The following GALNTL6 variants were observed in gnomAD, a reference collection of about 807,000 sequenced individuals.
The protein encoded by GALNTL6 is polypeptide N-acetylgalactosaminyltransferase-like 6.
In GALNTL6, 46 loss-of-function variants were observed where a neutral mutation model predicts 73.7. The observed-to-expected ratio is 0.62, with a 90% confidence interval of 0.49 to 0.80. The LOEUF (loss-of-function observed/expected upper bound fraction) is 0.80, where lower values mean the gene tolerates loss of function less well. Among genes scored for constraint, GALNTL6 ranks in the 30% least tolerant of loss-of-function variants. The probability of loss-of-function intolerance (pLI) is 0.00; values close to 1 mark genes in which losing one functional copy is unlikely to be tolerated. For synonymous variants in GALNTL6, 259 were observed against 263.7 expected (o/e 0.98, Z 0.17); for missense variants, 604 against 755.0 (o/e 0.80, Z 2.34).
At chr4:171,832,685 G>A (rs1388571436) in intron 2 of GALNTL6, among the ~76,000 whole-genome samples, 3 of 151,590 alleles carry the variant, frequency 2.0e-5, no homozygotes, top group Non-Finnish European at 4.4e-5. Context: ...TTTTATTTGA[G>A]TAAGTACAAA....
intron 2 of GALNTL6, among the ~76,000 whole-genome samples, chr4:172,161,675 A>G (rs1400435479): frequency 2.0e-5 from 3 of 152,038 alleles, no homozygotes; most frequent in Non-Finnish European, 4.4e-5. Context: ...CTAAGAGCAC[A>G]TGTTAACTGG....
chr4:172,398,825 GTTCT>G (rs1561064994), intron 5 of GALNTL6, among the ~76,000 whole-genome samples: 5 of 151,676 alleles, frequency 3.3e-5, no homozygotes, highest in Non-Finnish European at 7.4e-5. Context: ...TTTTTTGGAG[GTTCT>G]TTCAATACTG....
intron 5 of GALNTL6, among the ~76,000 whole-genome samples, chr4:172,393,407 C>T (rs1363539454): frequency 6.6e-6 from 1 of 152,110 alleles, no homozygotes; most frequent in African/African-American, 2.4e-5. Flanking sequence ...AGCATAACTA[C>T]CCTCAGGCCA....
chr4:172,488,619 A>G (rs1733781265), intron 5 of GALNTL6, among the ~76,000 whole-genome samples: 1 of 152,304 alleles, frequency 6.6e-6, no homozygotes, highest in South Asian at 2.1e-4. Context: ...TCATTTTAGT[A>G]CCCACTAAAG....
intron 11 of GALNTL6, among the ~76,000 whole-genome samples, chr4:173,015,007 G>A (rs1752718411): frequency 6.6e-6 from 1 of 152,182 alleles, no homozygotes; most frequent in African/African-American, 2.4e-5. Flanking sequence ...TTTCCTGATA[G>A]TGACTGAGTT....
intron 8 of GALNTL6, among the ~76,000 whole-genome samples, chr4:172,921,684 A>G (rs941483566): frequency 6.6e-6 from 1 of 151,152 alleles, no homozygotes; most frequent in Non-Finnish European, 1.5e-5. Context: ...AATCCCAGCT[A>G]TTTGGGAGCC....
At chr4:172,817,846 T>A (rs1741696368) in intron 7 of GALNTL6, among the ~76,000 whole-genome samples, 1 of 152,212 alleles carries the variant, frequency 6.6e-6, no homozygotes, top group Non-Finnish European at 1.5e-5. Context: ...TTAGACTTAT[T>A]GACAGAAATG....
At chr4:172,639,671 T>A (rs1039842983) in intron 5 of GALNTL6, among the ~76,000 whole-genome samples, 3 of 151,974 alleles carry the variant, frequency 2.0e-5, no homozygotes, top group Non-Finnish European at 4.4e-5. Flanking sequence ...CTTATCCATT[T>A]CCCCTCTCAG....
At position 172,548,948 on chromosome 4, in the gene GALNTL6, CTATT is replaced by C. The variant is rs1477145904; in HGVS notation, c.553+200262_553+200265del. On this transcript the variant is annotated intron_variant, in intron 5 of 12. Coordinates refer to ENST00000506823, the MANE Select transcript of GALNTL6 (RefSeq NM_001034845.3). ...TGTTGTTTCTCTATTATTTCAATCA[CTATT>C]TAAGTAGATACTGAAGTACTAGGTA... Among the ~76,000 whole-genome samples, 56 of 152,130 alleles carry C rather than the reference CTATT, an allele frequency of 3.7e-4. 4 individuals carry two copies. The highest frequency in any genetic ancestry group is 2.9e-3 in the Admixed American group (44 of 15,278).
intron 12 of GALNTL6, among the ~76,000 whole-genome samples, chr4:173,036,867 A>G (rs1753717562): frequency 1.3e-5 from 2 of 152,244 alleles, no homozygotes; most frequent in African/African-American, 4.8e-5. Flanking sequence ...GTTCTGTTAC[A>G]GCCATCAATG....
At chr4:172,206,438 T>C (rs996419377) in intron 2 of GALNTL6, among the ~76,000 whole-genome samples, 1 of 152,162 alleles carries the variant, frequency 6.6e-6, no homozygotes, top group African/African-American at 2.4e-5. Flanking sequence ...TGGCAGTCCT[T>C]GATGAGTGAT....
At chr4:171,900,265 A>G (rs1737045689) in intron 2 of GALNTL6, among the ~76,000 whole-genome samples, 1 of 152,056 alleles carries the variant, frequency 6.6e-6, no homozygotes, top group East Asian at 1.9e-4. Flanking sequence ...AAACTTTCAC[A>G]TATTTGAAAT....
At chr4:172,179,929 A>G (rs903470926) in intron 2 of GALNTL6, among the ~76,000 whole-genome samples, 1 of 152,224 alleles carries the variant, frequency 6.6e-6, no homozygotes. Context: ...TCTTCATAGT[A>G]GAATGATTTA....
At chr4:172,344,096 T>G (rs1057208933) in intron 4 of GALNTL6, among the ~76,000 whole-genome samples, 1 of 152,226 alleles carries the variant, frequency 6.6e-6, no homozygotes, top group Non-Finnish European at 1.5e-5. Flanking sequence ...TTATTCTATT[T>G]GTGAATTTGC....
rs911938511 is a variant in GALNTL6 at position 172,001,726 on chromosome 4, C to T, written c.138+187008C>T. Among the ~76,000 whole-genome samples the T allele has an allele frequency of 5.3e-5, 8 of 152,072 alleles. 1 individual carries two copies. The East Asian group carries it at 1.4e-3, about 26-fold the overall frequency. On this transcript the variant is annotated intron_variant, in intron 2 of 12. Transcript: ENST00000506823. Reference sequence around the variant, plus strand: ...TATATATGGGCATTCAAGCTCCTCTCTAGGGGTTCTTCTTACTCGTAAGAT... The same window carrying T: ...TATATATGGGCATTCAAGCTCCTCTTTAGGGGTTCTTCTTACTCGTAAGAT...
At chr4:172,160,208 C>G (rs574312604) in intron 2 of GALNTL6, among the ~76,000 whole-genome samples, 3 of 151,772 alleles carry the variant, frequency 2.0e-5, no homozygotes, top group Non-Finnish European at 2.9e-5. Context: ...AGGGCTGTTA[C>G]TAGGTATATT....
intron 5 of GALNTL6, among the ~76,000 whole-genome samples, chr4:172,481,432 T>G (rs777121063): frequency 6.1e-5 from 9 of 147,332 alleles, no homozygotes; most frequent in Non-Finnish European, 1.4e-4. Flanking sequence ...GGGTTGTCTC[T>G]GTGGGCTTGG....
At chr4:172,659,098 A>C (rs1579300878) in intron 5 of GALNTL6, among the ~76,000 whole-genome samples, 1 of 152,200 alleles carries the variant, frequency 6.6e-6, no homozygotes, top group South Asian at 2.1e-4. Context: ...TGAGGTAGAT[A>C]CTATGATTTG....
intron 5 of GALNTL6, among the ~76,000 whole-genome samples, chr4:172,535,929 T>A (rs560774870): frequency 3.8e-4 from 58 of 152,310 alleles, no homozygotes; most frequent in African/African-American, 1.2e-3. Context: ...CCAAATTTCA[T>A]CTTGAACTCT....
Sources: gnomAD v4.1 joint callset for allele counts (sites outside exome capture counted in the v4.1 genomes callset) on GRCh38, gnomAD v4.1.1 for gene constraint, MANE v1.5 for transcripts, NCBI Gene and HGNC (gene_info 2026-07-23, HGNC 2026-07-21) for gene names.